GTF3C1: variants seen among roughly 807,000 people sequenced by gnomAD.
The protein encoded by GTF3C1 is general transcription factor IIIC subunit 1.
A neutral mutation model predicts 226.7 loss-of-function variants in GTF3C1; 57 were observed. That is an observed-to-expected ratio of 0.25 (90% CI 0.20 to 0.31). The LOEUF is 0.31. Among genes scored for constraint, GTF3C1 ranks in the 10% least tolerant of loss-of-function variants. The probability of loss-of-function intolerance (pLI) is 1.00; values close to 1 mark genes in which losing one functional copy is unlikely to be tolerated. For missense variants in GTF3C1, 2,217 were observed against 2,776.1 expected (o/e 0.80, Z 4.53); for synonymous variants, 1,090 against 1,084.8 (o/e 1.00, Z -0.09).
At chr16:27,538,011 G>T in intron 3 of GTF3C1, 84 bp from the exon 4 acceptor site, 1 of 1,469,102 alleles carries the variant, frequency 6.8e-7, no homozygotes. Flanking sequence ...ATAAACACCA[G>T]AGACACAAAC....
chr16:27,545,293 C>G, intron 2 of GTF3C1, 21 bp downstream of exon 2: 7 of 1,574,182 alleles, frequency 4.4e-6, no homozygotes, highest in Non-Finnish European at 6.1e-6. Context: ...CCAGGAATTT[C>G]TGATGGTGCA....
intron 15 of GTF3C1, 111 bp from the exon 16 acceptor site, chr16:27,495,019 GA>G (rs2088294762): frequency 6.1e-6 from 6 of 986,928 alleles, no homozygotes; most frequent in Non-Finnish European, 7.6e-6. Context: ...CTAATTTGAG[GA>G]AAACTCTACT....
chr16:27,527,259 G>A (rs2088846631), intron 6 of GTF3C1, among the ~76,000 whole-genome samples: 1 of 152,236 alleles, frequency 6.6e-6, no homozygotes, highest in African/African-American at 2.4e-5. Flanking sequence ...TCAGCTCACT[G>A]CAACCTCTGC....
At position 27,505,934 on chromosome 16, in the gene GTF3C1, C is replaced by T; in HGVS notation, c.1735G>A (p.Ala579Thr). 1 of 1,612,858 alleles carries T rather than the reference C, an allele frequency of 6.2e-7. No homozygotes were observed. The highest frequency in any genetic ancestry group is 8.5e-7 in the Non-Finnish European group (1 of 1,178,782). The change falls in exon 10 of 37, where the codon GCT (alanine) becomes ACT (threonine). Residue 579 changes from alanine (A) to threonine (T), a missense_variant. Coordinates refer to ENST00000356183, the MANE Select transcript of GTF3C1 (RefSeq NM_001520.4). ...TCCATCCGGACCTCCTCGATCACAGCTATGTCACCACTGTTGCTGTCCGCA... is the reference window on the plus strand; with the variant it reads ...TCCATCCGGACCTCCTCGATCACAGTTATGTCACCACTGTTGCTGTCCGCA... Reference protein sequence around the residue: ...HCADSNSGDIAVIEEVRMENP... With the variant: ...HCADSNSGDITVIEEVRMENP...
chr16:27,520,126 T>G (rs186756937), intron 6 of GTF3C1, among the ~76,000 whole-genome samples: 110 of 152,202 alleles, frequency 7.2e-4, no homozygotes, highest in African/African-American at 2.4e-3. Context: ...GGTTTGGTTT[T>G]GTTTTGTTGA....
At chr16:27,534,831 TC>T (rs1393982993) in intron 4 of GTF3C1, among the ~76,000 whole-genome samples, 1 of 152,114 alleles carries the variant, frequency 6.6e-6, no homozygotes, top group East Asian at 1.9e-4. Flanking sequence ...ACTGGCCGGG[TC>T]CACTTATACA....
chr16:27,464,679 T>G lies in GTF3C1; in HGVS notation c.5513A>C (p.Glu1838Ala). The G allele has an allele frequency of 6.3e-7, 1 of 1,583,862 alleles. No homozygotes were observed. The highest frequency in any genetic ancestry group is 1.1e-5 in the South Asian group (1 of 87,532). Residue 1838 changes from glutamate to alanine, a missense_variant, in exon 34 of 37, where the codon GAG becomes GCG. Glu to Ala is a moderately radical substitution (Grantham distance 107, BLOSUM62 -1). Around this residue, in one of 12 missense-constraint regions of GTF3C1, gnomAD observed 455 missense variants for 441.9 expected, o/e 1.03. Coordinates refer to ENST00000356183, the MANE Select transcript of GTF3C1 (RefSeq NM_001520.4). ...GGGGCTGTCCTCACTGGAAGACCCC[T>G]CCAGGGGTCTGGCCTGGGGGTCTTC... ...QREDPQARPL[E>A]GSSSEDSPPE...
Position 27,484,307 on chromosome 16 carries a change from T to G in GTF3C1, c.3905A>C (p.His1302Pro). Residue 1302 changes from histidine (H) to proline (P), a missense_variant, in exon 25 of 37, where the codon CAT (histidine) becomes CCT (proline). Coordinates refer to ENST00000356183, the MANE Select transcript of GTF3C1 (RefSeq NM_001520.4). ...ATCCAAAGACTCTTCAAACGTGGCA[T>G]GCAAAATGTCCCGTACCACCTGCCA... ...VTWQVVRDIL[H>P]ATFEESLDKT... 1.2e-6 allele frequency: 2 copies of G among 1,608,730 alleles called. No homozygotes were observed. The highest frequency in any genetic ancestry group is 1.7e-6 in the Non-Finnish European group (2 of 1,175,052).
Position 27,489,654 on chromosome 16 carries a change from C to A in GTF3C1, c.3241G>T (p.Ala1081Ser). Residue 1081 changes from alanine to serine, a missense_variant, in exon 20 of 37, where the codon GCC becomes TCC. By Grantham distance (99) the Ala-to-Ser change is moderately conservative. This residue lies in a region of GTF3C1 where 353 missense variants were observed against 411.7 expected (regional missense o/e 0.86). Transcript: ENST00000356183. ...EGSLQKEQES[A>S]MDKHNLERKC... is the part of the protein sequence containing the mutation. Reference sequence around the variant, plus strand: ...CGCTCCAGGTTGTGCTTGTCCATGGCGCTCTCCTGCTCCTTCTGCAGGCTG... The same window carrying A: ...CGCTCCAGGTTGTGCTTGTCCATGGAGCTCTCCTGCTCCTTCTGCAGGCTG... 1.2e-6 allele frequency: 2 copies of A among 1,611,254 alleles called. No individual in the cohort carries two copies. Among genetic ancestry groups the A allele is most frequent in the Non-Finnish European group, 1.7e-6 (2 of 1,179,176 alleles).
At chr16:27,485,404 G>A (rs910937351) in intron 24 of GTF3C1, among the ~76,000 whole-genome samples, 2 of 152,264 alleles carry the variant, frequency 1.3e-5, no homozygotes, top group African/African-American at 2.4e-5. Context: ...AGGTACCAGA[G>A]GTGACAGAAA....
chr16:27,545,730 AT>A (rs2089153086), intron 1 of GTF3C1, among the ~76,000 whole-genome samples: 1 of 152,202 alleles, frequency 6.6e-6, no homozygotes, highest in Non-Finnish European at 1.5e-5. Context: ...TCCCCAGACT[AT>A]TCCAGAAGCT....
chr16:27,511,721 T>C, intron 7 of GTF3C1, 28 bp downstream of exon 7: 1 of 1,610,556 alleles, frequency 6.2e-7, no homozygotes, highest in Non-Finnish European at 8.5e-7. Flanking sequence ...GGGATCCATA[T>C]CCAAGCTGGC....
chr16:27,493,845 T>A (rs1207940431), intron 16 of GTF3C1, among the ~76,000 whole-genome samples: 1 of 152,068 alleles, frequency 6.6e-6, no homozygotes, highest in African/African-American at 2.4e-5. Context: ...TAATATCAAG[T>A]CTAAAAAGTT....
intron 32 of GTF3C1, chr16:27,465,810 G>A: frequency 2.0e-6 from 1 of 498,478 alleles, no homozygotes. Flanking sequence ...AAGATGTAAA[G>A]TGAAGGGCAC....
intron 1 of GTF3C1, among the ~76,000 whole-genome samples, chr16:27,546,284 C>G (rs572860731): frequency 1.3e-5 from 2 of 152,112 alleles, no homozygotes; most frequent in African/African-American, 4.8e-5. Flanking sequence ...CCTTTTTCTC[C>G]AAATACAGAT....
chr16:27,544,371 TGA>T (rs1448964152), intron 2 of GTF3C1, among the ~76,000 whole-genome samples: 1 of 149,632 alleles, frequency 6.7e-6, no homozygotes, highest in Non-Finnish European at 1.5e-5. Flanking sequence ...GGCAACAGAG[TGA>T]GACTCTGTCT....
chr16:27,539,179 G>T (rs2089046706), intron 2 of GTF3C1, among the ~76,000 whole-genome samples: 1 of 152,012 alleles, frequency 6.6e-6, no homozygotes. Flanking sequence ...CAGTGAGCTG[G>T]ACTGATAAAA....
At position 27,549,646 on chromosome 16, in the gene GTF3C1, CGCCA is replaced by C; in HGVS notation, c.221+20_221+23del. 8.3e-7 allele frequency: 1 copy of C among 1,208,636 alleles called. No homozygotes were observed. The highest frequency in any genetic ancestry group is 1.5e-5 in the African/African-American group (1 of 66,428). 74.9% of individuals were successfully genotyped at this position (1,208,636 alleles called of 1,614,324 possible). A position where few individuals can be genotyped will look rare whatever the true frequency, so the allele number is the denominator to read the frequency against. ...CGGGCCCTGCGCCCGCCCGCCCGCC[CGCCA>C]GGCCAGGCCGCCCGCTGACCGGTCC... is the stretch of plus-strand genomic sequence containing the variant. On this transcript the variant is annotated intron_variant, in intron 1 of 36. Coordinates refer to ENST00000356183, the MANE Select transcript of GTF3C1 (RefSeq NM_001520.4).
chr16:27,469,981 C>A lies in GTF3C1; in HGVS notation c.4814+127G>T. ...GACACCTTAGACACCGGCCTATAAT[C>A]CCCAGTCACTCATCTGCAACTCCCA... is the stretch of plus-strand genomic sequence containing the variant. On this transcript the variant is annotated intron_variant, in intron 31 of 36. Transcript: ENST00000356183. The surrounding 1 kb of genome is among the most constrained non-coding windows in gnomAD (Gnocchi z 4.5). 5.2e-6 allele frequency: 4 copies of A among 763,366 alleles called. No individual in the cohort carries two copies. The highest frequency in any genetic ancestry group is 4.9e-5 in the East Asian group (2 of 40,958). The allele number at this position is 763,366 out of a possible 1,614,324, so 47.3% of individuals were successfully genotyped here. A position where few individuals can be genotyped will look rare whatever the true frequency, so the allele number is the denominator to read the frequency against.
Sources: allele counts gnomAD v4.1 joint callset (sites outside exome capture counted in the v4.1 genomes callset), GRCh38; gene constraint gnomAD v4.1.1; regional missense constraint gnomAD v4.1.1; non-coding constraint Gnocchi (gnomAD v3.1); transcripts MANE v1.5; gene names NCBI Gene and HGNC (gene_info 2026-07-23, HGNC 2026-07-21).